CDH18: variants seen among roughly 807,000 people sequenced by gnomAD.
The protein encoded by CDH18 is cadherin 18.
In CDH18, 31 loss-of-function variants were observed where a neutral mutation model predicts 67.9. That is an observed-to-expected ratio of 0.46 (90% CI 0.34 to 0.62). The LOEUF (loss-of-function observed/expected upper bound fraction) is 0.62. Among genes scored for constraint, CDH18 ranks in the 20% least tolerant of loss-of-function variants. CDH18 has a pLI of 0.01. For missense variants in CDH18, 890 were observed against 975.5 expected (o/e 0.91, Z 1.17); for synonymous variants, 362 against 347.2 (o/e 1.04, Z -0.48).
At chr5:19,782,399 T>G (rs1020282376) in intron 3 of CDH18, among the ~76,000 whole-genome samples, 1 of 152,132 alleles carries the variant, frequency 6.6e-6, no homozygotes, top group Non-Finnish European at 1.5e-5. Context: ...GAGATTACAA[T>G]TCACAGTGAG....
At chr5:20,372,060 C>CAAAAA (rs1743047571) in intron 1 of CDH18, among the ~76,000 whole-genome samples, 3 of 152,160 alleles carry the variant, frequency 2.0e-5, no homozygotes, top group African/African-American at 7.2e-5. Flanking sequence ...AAACAGGCAC[C>CAAAAA]GAAAAGATAC....
At chr5:20,305,307 T>G in intron 1 of CDH18, 3 of 1,557,524 alleles carry the variant, frequency 1.9e-6, no homozygotes, top group Non-Finnish European at 2.7e-6. Context: ...CAGATTCGAA[T>G]CCAACATTTC....
chr5:20,305,584 C>T lies in CDH18; in HGVS notation c.-579-50079G>A, dbSNP rs376721146. ...GGGCGCTCGGCCGCTTCCGGTCCTG[C>T]GCTGCGGGCCTCAGAGGACTTGGTG... On this transcript the variant is annotated intron_variant, in intron 1 of 14. Transcript: ENST00000507958. 2.1e-5 allele frequency: 12 copies of T among 574,356 alleles called. No homozygotes were observed. The Admixed American group carries it at 3.0e-4, about 14-fold the overall frequency. 35.6% of individuals were successfully genotyped at this position (574,356 alleles called of 1,614,324 possible).
chr5:20,247,420 C>T (rs1580575987), intron 2 of CDH18, among the ~76,000 whole-genome samples: 1 of 152,072 alleles, frequency 6.6e-6, no homozygotes, highest in Non-Finnish European at 1.5e-5. Flanking sequence ...TAGTTAACTA[C>T]AGTTGTTAAG....
intron 1 of CDH18, among the ~76,000 whole-genome samples, chr5:20,325,953 A>G (rs1738534877): frequency 6.6e-6 from 1 of 152,090 alleles, no homozygotes; most frequent in Non-Finnish European, 1.5e-5. Flanking sequence ...CATTTCACAA[A>G]TTTCCCCCAA....
chr5:20,375,041 T>C (rs948776835), intron 1 of CDH18, among the ~76,000 whole-genome samples: 9 of 152,180 alleles, frequency 5.9e-5, no homozygotes, highest in African/African-American at 1.9e-4. Context: ...TAATTTTAAA[T>C]ATTTATATGA....
chr5:20,266,731 C>T (rs556423632), intron 1 of CDH18, among the ~76,000 whole-genome samples: 291 of 151,438 alleles, frequency 1.9e-3, no homozygotes, highest in African/African-American at 6.5e-3. Flanking sequence ...CCCGGCCTTG[C>T]TAATTTAAAT....
chr5:19,628,265 C>T (rs1435863582), intron 5 of CDH18, among the ~76,000 whole-genome samples: 1 of 152,130 alleles, frequency 6.6e-6, no homozygotes, highest in Admixed American at 6.5e-5. Flanking sequence ...GGCTCCTCAG[C>T]CACGTGAAAC....
chr5:20,179,764 A>G (rs1737537280), intron 2 of CDH18, among the ~76,000 whole-genome samples: 1 of 152,220 alleles, frequency 6.6e-6, no homozygotes, highest in South Asian at 2.1e-4. Context: ...AAATTCTTTG[A>G]ATCAGGGCCC....
chr5:19,749,026 C>A (rs1770490224), intron 3 of CDH18, among the ~76,000 whole-genome samples: 1 of 151,958 alleles, frequency 6.6e-6, no homozygotes, highest in Non-Finnish European at 1.5e-5. Flanking sequence ...AAGAAGAATG[C>A]AGAATGAATT....
intron 9 of CDH18, among the ~76,000 whole-genome samples, chr5:19,530,831 CGTT>C (rs1396074347): frequency 6.6e-6 from 1 of 152,154 alleles, no homozygotes; most frequent in African/African-American, 2.4e-5. Flanking sequence ...TCCAGTCTAT[CGTT>C]GTTGGACATT....
intron 11 of CDH18, among the ~76,000 whole-genome samples, chr5:19,488,681 T>C (rs190950107): frequency 6.6e-6 from 1 of 152,192 alleles, no homozygotes; most frequent in African/African-American, 2.4e-5. Context: ...GGTACTTGAT[T>C]AATAATGATT....
chr5:19,968,284 T>A (rs1322283932), intron 2 of CDH18, among the ~76,000 whole-genome samples: 2 of 152,096 alleles, frequency 1.3e-5, no homozygotes, highest in African/African-American at 4.8e-5. Flanking sequence ...ATTTATAGAT[T>A]CAATGCCATC....
At chr5:20,121,911 A>G (rs539083789) in intron 2 of CDH18, among the ~76,000 whole-genome samples, 58 of 152,336 alleles carry the variant, frequency 3.8e-4, no homozygotes, top group African/African-American at 1.3e-3. Flanking sequence ...TGTTAAGGTC[A>G]CCACTATCAT....
chr5:20,374,104 C>A (rs73058713), intron 1 of CDH18, among the ~76,000 whole-genome samples: 18,853 of 152,022 alleles, frequency 0.12, 1,938 homozygotes, highest in African/African-American at 0.27. Context: ...CACAAGGATA[C>A]CAAACCTAGA....
chr5:19,838,775 G>T lies in CDH18; in HGVS notation c.212C>A (p.Pro71His). 3 of 1,610,592 alleles carry T rather than the reference G, an allele frequency of 1.9e-6. No homozygotes were observed. The highest frequency in any genetic ancestry group is 2.5e-6 in the Non-Finnish European group (3 of 1,176,952). Residue 71 changes from proline (P) to histidine (H), a missense_variant, in exon 3 of 13, where the codon CCT (proline) becomes CAT (histidine). Around this residue, in one of 2 missense-constraint regions of CDH18, gnomAD observed 234 missense variants for 307.4 expected, o/e 0.76. Transcript: ENST00000382275. Reference protein sequence around the residue: ...FVLEEHMGPDPQYVGKLHSNS... With the variant: ...FVLEEHMGPDHQYVGKLHSNS... The stretch of plus-strand genomic sequence containing the variant: ...AAATCTTACCTTTCCAACATACTGA[G>T]GATCTGGTCCCATATGTTCTTCTAA...
intron 1 of CDH18, among the ~76,000 whole-genome samples, chr5:20,339,380 C>T (rs1040689644): frequency 6.6e-6 from 1 of 152,086 alleles, no homozygotes; most frequent in African/African-American, 2.4e-5. Context: ...TCTGAGGTCC[C>T]ATATGTATAA....
At chr5:20,196,454 C>T (rs143172390) in intron 2 of CDH18, among the ~76,000 whole-genome samples, 1,818 of 152,210 alleles carry the variant, frequency 0.012, 25 homozygotes, top group Middle Eastern at 0.044. Flanking sequence ...CAGTCTAATT[C>T]TGGGATCTTT....
At chr5:19,792,523 C>T (rs1198435591) in intron 3 of CDH18, among the ~76,000 whole-genome samples, 2 of 152,230 alleles carry the variant, frequency 1.3e-5, no homozygotes, top group East Asian at 1.9e-4. Flanking sequence ...ATCATGTGAG[C>T]AAATTCCCAC....
Sources: allele counts gnomAD v4.1 joint callset (sites outside exome capture counted in the v4.1 genomes callset), GRCh38; gene constraint gnomAD v4.1.1; regional missense constraint gnomAD v4.1.1; transcripts MANE v1.5; gene names NCBI Gene and HGNC (gene_info 2026-07-23, HGNC 2026-07-21).